The following MCPH1 variants were observed in gnomAD, a reference collection of about 807,000 sequenced individuals.
MCPH1 encodes the protein microcephalin.
MCPH1 carries 104 observed loss-of-function variants against 84.5 expected under a neutral mutation model. The ratio of observed to expected loss-of-function variants is 1.23; its 90% confidence interval spans 1.05 to 1.45. The LOEUF is 1.45. Among genes scored for constraint, MCPH1 ranks in the 40% most tolerant of loss-of-function variants. MCPH1 has a pLI of 0.00. For missense variants in MCPH1, 1,498 were observed against 1,005.7 expected (o/e 1.49, Z -6.62); for synonymous variants, 514 against 366.8 (o/e 1.40, Z -4.58).
At position 6,525,332 on chromosome 8, in the gene MCPH1, C is replaced by T. The variant is rs181752791; in HGVS notation, c.2214+25403C>T. Among the ~76,000 whole-genome samples, 6 of 152,226 alleles carry T rather than the reference C, an allele frequency of 3.9e-5. 1 individual carries two copies. Among genetic ancestry groups the T allele is most frequent in the Non-Finnish European group, 7.4e-5 (5 of 68,000 alleles). On this transcript the variant is annotated intron_variant, in intron 12 of 13. Coordinates refer to ENST00000344683, the MANE Select transcript of MCPH1 (RefSeq NM_024596.5). ...TTGGTATCAAACTCCTAGGTTCAAG[C>T]GATCCACCTGCCTCAGCCATCCAAA...
At chr8:6,621,211 CTT>C in intron 12 of MCPH1, 2 of 502,848 alleles carry the variant, frequency 4.0e-6, no homozygotes, top group Non-Finnish European at 7.1e-6. Context: ...AAGGCCTACA[CTT>C]TTTTTTTTCT....
intron 12 of MCPH1, among the ~76,000 whole-genome samples, chr8:6,581,819 C>G (rs1827588967): frequency 6.6e-6 from 1 of 152,124 alleles, no homozygotes; most frequent in Non-Finnish European, 1.5e-5. Flanking sequence ...AATATCCAGG[C>G]AGATTCCATG....
chr8:6,407,164 G>A (rs957846767), intron 1 of MCPH1: 10 of 231,290 alleles, frequency 4.3e-5, no homozygotes, highest in Non-Finnish European at 7.8e-5. Context: ...TTGGTGTGGG[G>A]CCCTCCTGGG....
intron 3 of MCPH1, among the ~76,000 whole-genome samples, chr8:6,415,315 T>A (rs189779408): frequency 1.8e-5 from 2 of 112,992 alleles, no homozygotes; most frequent in African/African-American, 7.1e-5. Flanking sequence ...TGAGACAAAG[T>A]CTTGCTCTGT....
At chr8:6,634,915 G>C (rs1797432892) in intron 13 of MCPH1, 1 of 152,210 alleles carries the variant, frequency 6.6e-6, no homozygotes, top group South Asian at 2.1e-4. Context: ...GTGAACGGAG[G>C]TGTAGGTGTA....
intron 3 of MCPH1, among the ~76,000 whole-genome samples, chr8:6,415,981 C>A (rs1458401673): frequency 6.6e-6 from 1 of 152,126 alleles, no homozygotes; most frequent in East Asian, 1.9e-4. Context: ...TTCAGTGACA[C>A]TTTCTAGTTT....
chr8:6,586,707 C>T (rs964199252), intron 12 of MCPH1, among the ~76,000 whole-genome samples: 4 of 152,176 alleles, frequency 2.6e-5, no homozygotes, highest in East Asian at 1.9e-4. Flanking sequence ...GAAGACTGAA[C>T]GCTGAGCTTC....
intron 9 of MCPH1, chr8:6,474,434 T>C (rs1335242188): frequency 4.6e-6 from 1 of 215,610 alleles, no homozygotes; most frequent in Non-Finnish European, 9.1e-6. Flanking sequence ...ACTAAGACTT[T>C]AACATGCAAT....
At chr8:6,635,036 G>A (rs764349531) in intron 13 of MCPH1, 5 of 152,166 alleles carry the variant, frequency 3.3e-5, no homozygotes, top group African/African-American at 1.2e-4. Context: ...TCTGGCCTAC[G>A]ACTGTGTTCA....
At chr8:6,414,728 A>G (rs1397017497) in intron 2 of MCPH1, 37 bp from the exon 3 acceptor site, 8 of 1,608,440 alleles carry the variant, frequency 5.0e-6, no homozygotes, top group African/African-American at 2.7e-5. Context: ...GTGAATGAAC[A>G]GTAATGTACA....
At chr8:6,444,157 A>G (rs1803913061) in intron 7 of MCPH1, among the ~76,000 whole-genome samples, 1 of 152,172 alleles carries the variant, frequency 6.6e-6, no homozygotes, top group South Asian at 2.1e-4. Flanking sequence ...GAAGTTTGTT[A>G]CACCTCTTCT....
At chr8:6,606,387 A>G (rs1258808865) in intron 12 of MCPH1, among the ~76,000 whole-genome samples, 1 of 152,232 alleles carries the variant, frequency 6.6e-6, no homozygotes, top group Non-Finnish European at 1.5e-5. Flanking sequence ...GTTGCATTTT[A>G]TACATCTTGA....
rs907493471 is a variant in MCPH1 at position 6,625,781 on chromosome 8, C to A, written c.2452+4090C>A. The A allele has an allele frequency of 1.7e-5, 17 of 982,758 alleles. No individual in the cohort carries two copies. In the African/African-American group the frequency reaches 2.3e-4, roughly 13 times the overall value. The allele number at this position is 982,758 out of a possible 1,614,324, so 60.9% of individuals were successfully genotyped here. On this transcript the variant is annotated intron_variant, in intron 13 of 13. Transcript: ENST00000344683. ...CCTAGGCAACAGAGCAAGACCCCAT[C>A]TCTAAAAAGAAAAAAAAAAGAATCA...
intron 12 of MCPH1, among the ~76,000 whole-genome samples, chr8:6,599,710 C>T (rs539260042): frequency 1.6e-4 from 24 of 152,274 alleles, no homozygotes; most frequent in African/African-American, 5.8e-4. Context: ...CCTTGATTTA[C>T]TTTTTATCTT....
intron 12 of MCPH1, among the ~76,000 whole-genome samples, chr8:6,586,874 C>G (rs553533265): frequency 9.9e-5 from 15 of 152,284 alleles, no homozygotes; most frequent in African/African-American, 3.4e-4. Flanking sequence ...TTAAACCACC[C>G]GTAATGTAGA....
At chr8:6,505,333 AGAAAGAATATATATATTCTTTC>A (rs1813248538) in intron 12 of MCPH1, among the ~76,000 whole-genome samples, 2 of 55,082 alleles carry the variant, frequency 3.6e-5, no homozygotes, top group South Asian at 1.1e-3. Context: ...ATATACATAT[AGAAAGAATATATATATTCTTTC>A]TATATGTATA....
intron 12 of MCPH1, chr8:6,616,177 A>G (rs1830771102): frequency 6.6e-6 from 1 of 152,214 alleles, no homozygotes; most frequent in South Asian, 2.1e-4. Context: ...ACAGCCCTGT[A>G]AGACACGTCC....
At chr8:6,567,581 C>T (rs951461707) in intron 12 of MCPH1, among the ~76,000 whole-genome samples, 1 of 152,176 alleles carries the variant, frequency 6.6e-6, no homozygotes, top group South Asian at 2.1e-4. Flanking sequence ...CATGGATGGG[C>T]GCTCAGCTGT....
intron 12 of MCPH1, among the ~76,000 whole-genome samples, chr8:6,556,244 A>G (rs1824587352): frequency 6.6e-6 from 1 of 152,192 alleles, no homozygotes; most frequent in Non-Finnish European, 1.5e-5. Context: ...TTACATACAT[A>G]TAGGCATTAA....
Sources: gnomAD v4.1 joint callset for allele counts (sites outside exome capture counted in the v4.1 genomes callset) on GRCh38, gnomAD v4.1.1 for gene constraint, MANE v1.5 for transcripts, NCBI Gene and HGNC (gene_info 2026-07-23, HGNC 2026-07-21) for gene names.